The following SGCZ variants were observed in gnomAD, a reference collection of about 807,000 sequenced individuals.
The protein encoded by SGCZ is sarcoglycan zeta, also known as zeta-sarcoglycan.
A neutral mutation model predicts 41.3 loss-of-function variants in SGCZ; 40 were observed. The ratio of observed to expected loss-of-function variants is 0.97; its 90% CI spans 0.75 to 1.26. The LOEUF is 1.26. SGCZ is among the 50% of genes most tolerant of loss of function. SGCZ has a pLI of 0.00. For synonymous variants in SGCZ, 206 were observed against 137.5 expected (o/e 1.50, Z -3.49); for missense variants, 552 against 369.8 (o/e 1.49, Z -4.04).
chr8:14,428,050 CT>C (rs1563322661), intron 2 of SGCZ, among the ~76,000 whole-genome samples: 3 of 151,766 alleles, frequency 2.0e-5, no homozygotes, highest in East Asian at 3.9e-4. Flanking sequence ...ATTTTGCTAT[CT>C]GCAGGGGTCC....
intron 1 of SGCZ, among the ~76,000 whole-genome samples, chr8:14,830,911 A>G (rs947551038): frequency 6.6e-6 from 1 of 152,208 alleles, no homozygotes; most frequent in African/African-American, 2.4e-5. Flanking sequence ...AGCTTTCTGG[A>G]TCAAAGAAAA....
At chr8:15,174,315 T>C (rs1799936293) in intron 1 of SGCZ, among the ~76,000 whole-genome samples, 1 of 152,198 alleles carries the variant, frequency 6.6e-6, no homozygotes, top group Non-Finnish European at 1.5e-5. Context: ...AATTATTCTG[T>C]CAATTGACTT....
intron 1 of SGCZ, among the ~76,000 whole-genome samples, chr8:14,894,453 C>T (rs1212945250): frequency 1.3e-5 from 2 of 152,116 alleles, no homozygotes; most frequent in African/African-American, 4.8e-5. Flanking sequence ...AGAAATCTGT[C>T]AGTATCCCCT....
intron 1 of SGCZ, among the ~76,000 whole-genome samples, chr8:14,611,326 G>A (rs1805921056): frequency 1.7e-5 from 1 of 59,018 alleles, no homozygotes; most frequent in South Asian, 3.9e-4. Flanking sequence ...ATGAATATGT[G>A]GGTCTATGTG....
intron 5 of SGCZ, among the ~76,000 whole-genome samples, chr8:14,119,116 G>C (rs1802613031): frequency 6.6e-6 from 1 of 152,108 alleles, no homozygotes; most frequent in Non-Finnish European, 1.5e-5. Context: ...TTGGTACCTT[G>C]ATGGGGATAG....
chr8:14,886,257 G>T (rs559482016), intron 1 of SGCZ, among the ~76,000 whole-genome samples: 52 of 151,694 alleles, frequency 3.4e-4, no homozygotes, highest in Admixed American at 1.5e-3. Flanking sequence ...ATCAGATATT[G>T]TTTTCCATCC....
intron 2 of SGCZ, among the ~76,000 whole-genome samples, chr8:14,456,404 A>G (rs1358298531): frequency 6.6e-6 from 1 of 152,186 alleles, no homozygotes; most frequent in Non-Finnish European, 1.5e-5. Context: ...GTGAAACTCC[A>G]TCTCAAAAAA....
At chr8:14,149,128 A>C (rs1353605945) in intron 5 of SGCZ, among the ~76,000 whole-genome samples, 1 of 152,052 alleles carries the variant, frequency 6.6e-6, no homozygotes, top group East Asian at 1.9e-4. Flanking sequence ...TCTGGAACAC[A>C]ACAATGATGC....
At chr8:14,331,098 GA>G (rs967002532) in intron 2 of SGCZ, among the ~76,000 whole-genome samples, 1 of 151,494 alleles carries the variant, frequency 6.6e-6, no homozygotes, top group Non-Finnish European at 1.5e-5. Flanking sequence ...TTTGTATGAG[GA>G]AAAAATCTTA....
intron 2 of SGCZ, among the ~76,000 whole-genome samples, chr8:14,474,958 T>C (rs1801316289): frequency 2.6e-5 from 4 of 152,298 alleles, no homozygotes; most frequent in Admixed American, 6.5e-5. Context: ...AGCAGCCAAA[T>C]GTCTGTACTG....
Position 14,940,178 on chromosome 8 carries a change from C to T in SGCZ, c.39+297407G>A, listed in dbSNP as rs530998139. Among the ~76,000 whole-genome samples the T allele has an allele frequency of 5.3e-5, 8 of 152,204 alleles. No homozygotes were observed. The Middle Eastern group carries it at 0.01, about 194-fold the overall frequency. On this transcript the variant is annotated intron_variant, in intron 1 of 7. Coordinates refer to ENST00000382080, the MANE Select transcript of SGCZ (RefSeq NM_139167.4). ...AAATAGCATAACAACCCAAGTTCTT[C>T]AGATTTATACCAGGCAAGACAAAAA...
At chr8:14,790,274 T>C (rs1800905516) in intron 1 of SGCZ, among the ~76,000 whole-genome samples, 1 of 152,200 alleles carries the variant, frequency 6.6e-6, no homozygotes, top group African/African-American at 2.4e-5. Flanking sequence ...CATTGAACTT[T>C]CTTGTAATCA....
intron 5 of SGCZ, among the ~76,000 whole-genome samples, chr8:14,113,716 G>A (rs1802441557): frequency 6.6e-6 from 1 of 151,866 alleles, no homozygotes; most frequent in South Asian, 2.1e-4. Context: ...CTCCATACTG[G>A]TGCCAAATGA....
At chr8:14,474,062 G>T (rs1801289216) in intron 2 of SGCZ, among the ~76,000 whole-genome samples, 1 of 152,072 alleles carries the variant, frequency 6.6e-6, no homozygotes, top group Non-Finnish European at 1.5e-5. Context: ...AAAGTTATAG[G>T]GGAAAGAAGA....
chr8:15,118,183 A>C (rs1201714024), intron 1 of SGCZ, among the ~76,000 whole-genome samples: 1 of 152,218 alleles, frequency 6.6e-6, no homozygotes, highest in Non-Finnish European at 1.5e-5. Flanking sequence ...TTCAACAACT[A>C]AATCAGAAAA....
At chr8:14,217,439 C>T (rs77073027) in intron 4 of SGCZ, among the ~76,000 whole-genome samples, 1 of 151,542 alleles carries the variant, frequency 6.6e-6, no homozygotes, top group African/African-American at 2.4e-5. Context: ...GGTATAGTTA[C>T]ATAAGAGATG....
intron 2 of SGCZ, among the ~76,000 whole-genome samples, chr8:14,400,494 G>C (rs1183903963): frequency 1.3e-5 from 2 of 152,120 alleles, no homozygotes; most frequent in East Asian, 3.9e-4. Context: ...TTTCTCTTTG[G>C]TATATGCCTA....
intron 1 of SGCZ, among the ~76,000 whole-genome samples, chr8:14,859,131 T>G (rs1803638304): frequency 6.6e-6 from 1 of 152,130 alleles, no homozygotes; most frequent in Non-Finnish European, 1.5e-5. Context: ...AGACAGCCAT[T>G]GTGCTCTGGT....
chr8:14,134,404 G>A (rs1803132029), intron 5 of SGCZ, among the ~76,000 whole-genome samples: 1 of 152,134 alleles, frequency 6.6e-6, no homozygotes, highest in African/African-American at 2.4e-5. Context: ...TCTATACTAT[G>A]AAGGCTAAAG....
Sources: allele counts gnomAD v4.1 joint callset (sites outside exome capture counted in the v4.1 genomes callset), GRCh38; gene constraint gnomAD v4.1.1; transcripts MANE v1.5; gene names NCBI Gene and HGNC (gene_info 2026-07-23, HGNC 2026-07-21).